The following EHBP1 variants were observed in gnomAD, a reference collection of about 807,000 sequenced individuals.
EHBP1 encodes EH domain-binding protein 1.
In EHBP1, 55 loss-of-function variants were observed where a neutral mutation model predicts 144.0. That is an observed-to-expected ratio of 0.38 (90% CI 0.31 to 0.48). The LOEUF is 0.48. EHBP1 is among the 20% of genes least tolerant of loss of function. The pLI is 0.98. For missense variants in EHBP1, 1,200 were observed against 1,364.2 expected (o/e 0.88, Z 1.90); for synonymous variants, 469 against 472.7 (o/e 0.99, Z 0.10).
chr2:62,723,973 A>G (rs1341016201), intron 2 of EHBP1, among the ~76,000 whole-genome samples: 2 of 152,148 alleles, frequency 1.3e-5, no homozygotes, highest in South Asian at 2.1e-4. Flanking sequence ...CTTGTGAAGT[A>G]TCTTACTAGG....
At chr2:62,704,646 T>C (rs1439551930), upstream of EHBP1, among the ~76,000 whole-genome samples, 12 of 152,234 alleles carry the variant, frequency 7.9e-5, no homozygotes, top group Admixed American at 7.9e-4. Flanking sequence ...TCTCGGTCTC[T>C]TTCCCATTTT....
chr2:62,918,376 A>G lies in EHBP1; in HGVS notation c.1186-24342A>G, dbSNP rs557282531. Among the ~76,000 whole-genome samples the G allele has an allele frequency of 9.9e-5, 15 of 152,272 alleles. No individual in the cohort carries two copies. In the East Asian group the frequency reaches 2.3e-3, roughly 23 times the overall value. On this transcript the variant is annotated intron_variant, in intron 10 of 22. Transcript: ENST00000431489. ...GCTCTGTTATGGAATAGAATTTTGC[A>G]TATTTTATTTGCTGTTTTTATAGGC...
intron 5 of EHBP1, among the ~76,000 whole-genome samples, chr2:62,779,519 C>T (rs1251477717): frequency 6.6e-6 from 1 of 152,142 alleles, no homozygotes. Flanking sequence ...CTTATGGCTA[C>T]TTGCTCAGAG....
chr2:63,007,167 C>G (rs1024914399), intron 19 of EHBP1, among the ~76,000 whole-genome samples: 2 of 151,766 alleles, frequency 1.3e-5, no homozygotes, highest in African/African-American at 4.8e-5. Context: ...TGGCATTTTA[C>G]CAACTTTAAT....
At chr2:62,839,792 C>G (rs928159893) in intron 7 of EHBP1, among the ~76,000 whole-genome samples, 3 of 152,122 alleles carry the variant, frequency 2.0e-5, no homozygotes, top group East Asian at 1.9e-4. Flanking sequence ...GGATGTGAAG[C>G]AACTCTTCAA....
At chr2:62,972,578 C>A (rs1332482673) in intron 14 of EHBP1, among the ~76,000 whole-genome samples, 1 of 152,088 alleles carries the variant, frequency 6.6e-6, no homozygotes, top group Non-Finnish European at 1.5e-5. Context: ...TCCTTCATGA[C>A]CTTAACAATT....
At chr2:62,921,400 G>T (rs865874703) in intron 10 of EHBP1, among the ~76,000 whole-genome samples, 27 of 151,518 alleles carry the variant, frequency 1.8e-4, no homozygotes, top group Middle Eastern at 3.4e-3. Flanking sequence ...AGCCAAGATT[G>T]CACCACTGCA....
intron 7 of EHBP1, among the ~76,000 whole-genome samples, chr2:62,849,146 A>T (rs1004690525): frequency 6.6e-6 from 1 of 151,980 alleles, no homozygotes; most frequent in Admixed American, 6.6e-5. Context: ...GTGACTATGT[A>T]ACTTCCAAAA....
At chr2:62,762,859 C>T (rs1221905462) in intron 3 of EHBP1, among the ~76,000 whole-genome samples, 2 of 152,090 alleles carry the variant, frequency 1.3e-5, no homozygotes, top group African/African-American at 4.8e-5. Flanking sequence ...ATTGTCATTC[C>T]TCTCCTTGAA....
chr2:62,963,276 C>T (rs2058085596), intron 14 of EHBP1, among the ~76,000 whole-genome samples: 1 of 152,056 alleles, frequency 6.6e-6, no homozygotes, highest in South Asian at 2.1e-4. Context: ...ACATCAACCG[C>T]GTACTTTTGA....
At chr2:62,693,937 A>C (rs902507862) in intron 1 of EHBP1, among the ~76,000 whole-genome samples, 1 of 152,142 alleles carries the variant, frequency 6.6e-6, no homozygotes, top group Non-Finnish European at 1.5e-5. Context: ...GATGAAGTCC[A>C]GTTTATCTGT....
At chr2:62,963,417 C>G (rs1414649403) in intron 14 of EHBP1, among the ~76,000 whole-genome samples, 1 of 152,082 alleles carries the variant, frequency 6.6e-6, no homozygotes, top group Non-Finnish European at 1.5e-5. Context: ...GTAAAAAACA[C>G]TAAACTTTTT....
At chr2:62,970,187 A>G (rs1395635993) in intron 14 of EHBP1, among the ~76,000 whole-genome samples, 1 of 151,618 alleles carries the variant, frequency 6.6e-6, no homozygotes, top group Non-Finnish European at 1.5e-5. Flanking sequence ...CTTTCAGTTT[A>G]CTACAAAATT....
rs866416473 is a variant in EHBP1 at position 62,739,172 on chromosome 2, C to T, written c.105-8223C>T. Reference sequence around the variant, plus strand: ...GATGATGCAACCAGAAAAAAGTTGTCTTCATGTGATTCTTTTATCTATCAT... The same window carrying T: ...GATGATGCAACCAGAAAAAAGTTGTTTTCATGTGATTCTTTTATCTATCAT... On this transcript the variant is annotated intron_variant, in intron 2 of 22. Coordinates refer to ENST00000431489, the MANE Select transcript of EHBP1 (RefSeq NM_001142616.3). Among the ~76,000 whole-genome samples the T allele has an allele frequency of 1.1e-4, 17 of 152,292 alleles. No individual in the cohort carries two copies. The South Asian group carries it at 3.3e-3, about 30-fold the overall frequency.
chr2:62,782,304 A>G (rs902586126), intron 5 of EHBP1, among the ~76,000 whole-genome samples: 12 of 152,234 alleles, frequency 7.9e-5, no homozygotes, highest in African/African-American at 2.9e-4. Context: ...GAGATTAGAG[A>G]TAGACCAGTT....
intron 3 of EHBP1, among the ~76,000 whole-genome samples, chr2:62,749,679 C>G (rs1457281903): frequency 6.6e-6 from 1 of 152,172 alleles, no homozygotes; most frequent in African/African-American, 2.4e-5. Context: ...GCCATTCTAA[C>G]TGGTGTGAGA....
At chr2:62,945,886 T>G (rs749348287) in intron 12 of EHBP1, among the ~76,000 whole-genome samples, 9 of 152,226 alleles carry the variant, frequency 5.9e-5, no homozygotes, top group Non-Finnish European at 1.2e-4. Flanking sequence ...TCAGTATAGT[T>G]TTCTTACAGA....
intron 14 of EHBP1, among the ~76,000 whole-genome samples, chr2:62,970,652 G>A (rs1028432914): frequency 1.6e-4 from 24 of 152,016 alleles, no homozygotes; most frequent in African/African-American, 4.6e-4. Context: ...TGACATTTGC[G>A]GCAAGTGTAA....
intron 15 of EHBP1, among the ~76,000 whole-genome samples, chr2:62,985,443 C>T (rs1297741247): frequency 6.6e-6 from 1 of 152,164 alleles, no homozygotes; most frequent in East Asian, 1.9e-4. Flanking sequence ...AAGGTACTTC[C>T]GTTGAAAACT....
Sources: gnomAD v4.1 joint callset for allele counts (sites outside exome capture counted in the v4.1 genomes callset) on GRCh38, gnomAD v4.1.1 for gene constraint, MANE v1.5 for transcripts, NCBI Gene and HGNC (gene_info 2026-07-23, HGNC 2026-07-21) for gene names.